PKHD1: variants seen among roughly 807,000 people sequenced by gnomAD.
PKHD1 encodes PKHD1 ciliary IPT domain containing fibrocystin/polyductin, also known as fibrocystin.
Under a neutral mutation model 412.0 loss-of-function variants are expected in PKHD1, and 291 were observed. The ratio of observed to expected loss-of-function variants is 0.71; its 90% CI spans 0.64 to 0.78. The LOEUF is 0.78. Among genes scored for constraint, PKHD1 ranks in the 30% least tolerant of loss-of-function variants. The probability of loss-of-function intolerance (pLI) is 0.00; values close to 1 mark genes in which losing one functional copy is unlikely to be tolerated. For synonymous variants in PKHD1, 1,777 were observed against 1,821.5 expected (o/e 0.98, Z 0.62); for missense variants, 4,825 against 4,950.7 (o/e 0.97, Z 0.76).
intron 35 of PKHD1, among the ~76,000 whole-genome samples, chr6:51,979,588 C>A (rs937357009): frequency 6.6e-6 from 1 of 152,010 alleles, no homozygotes; most frequent in Non-Finnish European, 1.5e-5. Context: ...GTCACCCACA[C>A]ATACAGTCAC....
chr6:51,632,066 C>T (rs1767994143), intron 65 of PKHD1, among the ~76,000 whole-genome samples: 1 of 151,760 alleles, frequency 6.6e-6, no homozygotes, highest in African/African-American at 2.4e-5. Context: ...GCCTCAGCCT[C>T]CCGAGTAGCT....
intron 42 of PKHD1, 73 bp from the exon 43 acceptor site, chr6:51,903,800 C>T (rs990073539): frequency 1.9e-6 from 2 of 1,073,540 alleles, no homozygotes; most frequent in Admixed American, 1.7e-5. Flanking sequence ...CTTGATTCTA[C>T]TAATACACAT....
intron 60 of PKHD1, among the ~76,000 whole-genome samples, chr6:51,714,232 T>G (rs935142564): frequency 6.6e-6 from 1 of 152,074 alleles, no homozygotes; most frequent in Admixed American, 6.5e-5. Flanking sequence ...TAGCCAGGTG[T>G]GGTGGCACAC....
At chr6:51,784,653 A>C (rs1792574160) in intron 53 of PKHD1, among the ~76,000 whole-genome samples, 1 of 152,176 alleles carries the variant, frequency 6.6e-6, no homozygotes, top group South Asian at 2.1e-4. Flanking sequence ...TTTAGAAAGC[A>C]ACACTGTATA....
chr6:51,733,009 T>C (rs535379019), intron 60 of PKHD1, among the ~76,000 whole-genome samples: 11 of 152,188 alleles, frequency 7.2e-5, no homozygotes, highest in Non-Finnish European at 1.2e-4. Context: ...AATAAGCCAG[T>C]ACCAAAAGGT....
At position 51,739,475 on chromosome 6, in the gene PKHD1, C is replaced by T. The variant is rs1335094165; in HGVS notation, c.10156+4910G>A. On this transcript the variant is annotated intron_variant, in intron 60 of 66. Coordinates refer to ENST00000371117, the MANE Select transcript of PKHD1 (RefSeq NM_138694.4). ...CCAACTCCCAACTTTGGGTGATCTG[C>T]CTGCCTCAGCCTCCCAAAGTGCTAG... Among the ~76,000 whole-genome samples the T allele has an allele frequency of 2.0e-5, 3 of 152,152 alleles. No homozygotes were observed. The East Asian group carries it at 5.8e-4, about 29-fold the overall frequency.
chr6:52,061,498 T>C (rs1808663775), intron 14 of PKHD1, among the ~76,000 whole-genome samples: 1 of 152,158 alleles, frequency 6.6e-6, no homozygotes, highest in Admixed American at 6.5e-5. Flanking sequence ...CATAAACTCA[T>C]GGTTAAGTAC....
In PKHD1 at chr6:51,703,822, C is replaced by T. The variant is rs1040044229; in HGVS notation, c.10156+40563G>A. ...GACTTCAGCATCTCCCTGTACTACACCAAAAGGATGCAGATGGTACACATT... is the reference window on the plus strand; with the variant it reads ...GACTTCAGCATCTCCCTGTACTACATCAAAAGGATGCAGATGGTACACATT... On this transcript the variant is annotated intron_variant, in intron 60 of 66. Transcript: ENST00000371117. Among the ~76,000 whole-genome samples, 23 of 151,992 alleles carry T rather than the reference C, an allele frequency of 1.5e-4. 1 individual carries two copies.
At chr6:51,822,111 C>T (rs1382295552) in intron 52 of PKHD1, among the ~76,000 whole-genome samples, 1 of 152,150 alleles carries the variant, frequency 6.6e-6, no homozygotes, top group Non-Finnish European at 1.5e-5. Context: ...GAACACCGGG[C>T]AGTACTGTAA....
intron 52 of PKHD1, among the ~76,000 whole-genome samples, chr6:51,793,671 C>T (rs921802832): frequency 6.6e-6 from 1 of 152,196 alleles, no homozygotes; most frequent in Admixed American, 6.5e-5. Context: ...CAGCTCCATC[C>T]ATATCCCTGC....
At chr6:52,086,441 G>T (rs969639995) in intron 1 of PKHD1, among the ~76,000 whole-genome samples, 1 of 151,822 alleles carries the variant, frequency 6.6e-6, no homozygotes, top group Non-Finnish European at 1.5e-5. Flanking sequence ...AAAACACTGA[G>T]ATTAGCAGAA....
chr6:51,951,825 G>A (rs1790411611), intron 36 of PKHD1, among the ~76,000 whole-genome samples: 1 of 152,070 alleles, frequency 6.6e-6, no homozygotes, highest in African/African-American at 2.4e-5. Flanking sequence ...GAGATGGAGA[G>A]GTAAAGACAG....
intron 52 of PKHD1, among the ~76,000 whole-genome samples, chr6:51,813,839 A>C (rs1765057488): frequency 6.6e-6 from 1 of 152,156 alleles, no homozygotes; most frequent in Non-Finnish European, 1.5e-5. Context: ...GTTATTAATA[A>C]AATACTATAT....
At chr6:51,735,702 G>A (rs1783753095) in intron 60 of PKHD1, among the ~76,000 whole-genome samples, 1 of 152,104 alleles carries the variant, frequency 6.6e-6, no homozygotes, top group African/African-American at 2.4e-5. Flanking sequence ...AAGGTAAGAG[G>A]ATCGCTTGAG....
intron 37 of PKHD1, among the ~76,000 whole-genome samples, chr6:51,921,644 C>A (rs1365740093): frequency 6.6e-6 from 1 of 152,118 alleles, no homozygotes; most frequent in Non-Finnish European, 1.5e-5. Context: ...TCTTTTTTCT[C>A]TAAACTTCTC....
In PKHD1 at chr6:51,690,165, C is replaced by T. The variant is rs577895222; in HGVS notation, c.10157-30196G>A. On this transcript the variant is annotated intron_variant, in intron 60 of 66. Coordinates refer to ENST00000371117, the MANE Select transcript of PKHD1 (RefSeq NM_138694.4). Reference sequence around the variant, plus strand: ...CATGCACCTGTAGACCCAGCTACTCCGGAGGCTGAGGCAGAAGAATCGCTT... The same window carrying T: ...CATGCACCTGTAGACCCAGCTACTCTGGAGGCTGAGGCAGAAGAATCGCTT... 2.7e-4 allele frequency among the ~76,000 whole-genome samples: 40 copies of T among 150,476 alleles called. No homozygotes were observed. In the East Asian group the frequency reaches 3.0e-3, roughly 11 times the overall value.
chr6:51,619,093 C>CT lies in PKHD1; in HGVS notation c.12212dup (p.Glu4072GlyfsTer24). ...CCAACTTCCCTGATCACAGTTGCTC[C>CT]TGAATAGTTTCCGGGTGTACTGAAT... On this transcript the variant is annotated frameshift_variant, in exon 67 of 67. Transcript: ENST00000371117. LOFTEE classifies it high-confidence loss of function. 6.2e-7 allele frequency: 1 copy of CT among 1,614,164 alleles called. No homozygotes were observed. Among genetic ancestry groups the CT allele is most frequent in the Middle Eastern group, 1.7e-4 (1 of 6,046 alleles).
chr6:51,969,064 T>G (rs1403297205), intron 35 of PKHD1, among the ~76,000 whole-genome samples: 1 of 152,130 alleles, frequency 6.6e-6, no homozygotes, highest in Non-Finnish European at 1.5e-5. Flanking sequence ...TGACTTTGAG[T>G]TATTCAAAAG....
intron 56 of PKHD1, 115 bp downstream of exon 56, chr6:51,754,669 G>A: frequency 1.2e-6 from 1 of 842,882 alleles, no homozygotes; most frequent in Non-Finnish European, 2.1e-6. Flanking sequence ...AGGTCAACAG[G>A]AAGGCATTGT....
Sources: allele counts gnomAD v4.1 joint callset (sites outside exome capture counted in the v4.1 genomes callset), GRCh38; gene constraint gnomAD v4.1.1; transcripts MANE v1.5; gene names NCBI Gene and HGNC (gene_info 2026-07-23, HGNC 2026-07-21).